ZNF732: variants seen among roughly 807,000 people sequenced by gnomAD.
The protein encoded by ZNF732 is zinc finger protein LOC654254.
A neutral mutation model predicts 11.5 loss-of-function variants in ZNF732; 12 were observed. That is an observed-to-expected ratio of 1.05 (90% CI 0.67 to 1.70). The LOEUF is 1.70. Ranked by LOEUF, ZNF732 falls within the 40% of genes most tolerant of loss-of-function variation. The pLI, the probability that ZNF732 is intolerant of heterozygous loss-of-function variation, is 0.00. For missense variants in ZNF732, 702 were observed against 676.9 expected, an observed-to-expected ratio of 1.04 and a Z score of -0.41; for synonymous variants, 231 against 236.5, an observed-to-expected ratio of 0.98 and a Z score of 0.21.
chr4:294,666 CTTA>C (rs782487203), intron 3 of ZNF732, among the ~76,000 whole-genome samples: 3 of 152,238 alleles, frequency 2.0e-5, no homozygotes, highest in East Asian at 3.9e-4. Context: ...TATCACAAAA[CTTA>C]TTCACGAACC....
chr4:301,839 C>G (rs561051607), intron 1 of ZNF732, among the ~76,000 whole-genome samples: 2 of 152,218 alleles, frequency 1.3e-5, no homozygotes, highest in South Asian at 4.2e-4. Flanking sequence ...GCACGTTGTG[C>G]ACATGTACCC....
intron 3 of ZNF732, among the ~76,000 whole-genome samples, chr4:284,727 C>T (rs774759000): frequency 7.3e-5 from 11 of 151,310 alleles, no homozygotes; most frequent in African/African-American, 1.2e-4. Flanking sequence ...AAAAATTCGC[C>T]GGGCGTGGTG....
intron 3 of ZNF732, among the ~76,000 whole-genome samples, chr4:288,625 T>C (rs1560161398): frequency 6.6e-6 from 1 of 152,258 alleles, no homozygotes; most frequent in Non-Finnish European, 1.5e-5. Context: ...TACCTCACTG[T>C]TTTTATTTAT....
At chr4:292,477 A>G (rs1358740908) in intron 3 of ZNF732, among the ~76,000 whole-genome samples, 2 of 150,818 alleles carry the variant, frequency 1.3e-5, no homozygotes, top group Admixed American at 6.6e-5. Flanking sequence ...GAATCACTTG[A>G]TCCCGGGAGG....
Position 301,217 on chromosome 4 carries a change from G to A in ZNF732, c.3+4091C>T, listed in dbSNP as rs868919495. 6.9e-3 allele frequency among the ~76,000 whole-genome samples: 1,057 copies of A among 152,158 alleles called. 5 individuals are homozygous for A. Among genetic ancestry groups the A allele is most frequent in the Non-Finnish European group, 0.01 (698 of 67,990 alleles). On this transcript the variant is annotated intron_variant, in intron 1 of 3. Coordinates refer to ENST00000419098, the MANE Select transcript of ZNF732 (RefSeq NM_001137608.3). ...GGCGATCATTAAAAAGTCAGGAAACGACAGGTGCTGGAGAGGATGTGGAGA... is the reference window on the plus strand; with the variant it reads ...GGCGATCATTAAAAAGTCAGGAAACAACAGGTGCTGGAGAGGATGTGGAGA...
At position 275,563 on chromosome 4, in the gene ZNF732, A is replaced by G. The variant is rs140284344; in HGVS notation, c.227-2933T>C. Among the ~76,000 whole-genome samples the G allele has an allele frequency of 3.1e-3, 473 of 151,860 alleles. 2 individuals are homozygous for G. The highest frequency in any genetic ancestry group is 0.014 in the Middle Eastern group (4 of 294). ...ATAAAGCTGAACAGCTAGATCAACT[A>G]AATAAAATCTGGCAAAAATATAAAC... On this transcript the variant is annotated intron_variant, in intron 3 of 3. Coordinates refer to ENST00000419098, the MANE Select transcript of ZNF732 (RefSeq NM_001137608.3).
At chr4:277,358 A>C (rs369635121) in intron 3 of ZNF732, among the ~76,000 whole-genome samples, 3 of 152,226 alleles carry the variant, frequency 2.0e-5, no homozygotes, top group African/African-American at 7.2e-5. Flanking sequence ...CGTAATCTAC[A>C]CAATGAAATA....
At chr4:291,063 A>AT (rs1422564022) in intron 3 of ZNF732, among the ~76,000 whole-genome samples, 1 of 152,250 alleles carries the variant, frequency 6.6e-6, no homozygotes, top group Non-Finnish European at 1.5e-5. Flanking sequence ...TACCAGAACA[A>AT]TTAGGCAAGG....
intron 3 of ZNF732, among the ~76,000 whole-genome samples, chr4:276,662 AGACAT>A (rs1215930621): frequency 1.3e-5 from 2 of 152,008 alleles, no homozygotes; most frequent in East Asian, 3.8e-4. Flanking sequence ...AAAGTGAAAA[AGACAT>A]GAAAATTTGA....
intron 3 of ZNF732, among the ~76,000 whole-genome samples, chr4:280,763 G>A (rs560431723): frequency 8.5e-5 from 13 of 152,276 alleles, no homozygotes; most frequent in Non-Finnish European, 1.5e-4. Context: ...AATTTTCATT[G>A]TAGACTTAGC....
chr4:274,842 G>A (rs1553838450), intron 3 of ZNF732, among the ~76,000 whole-genome samples: 1 of 151,598 alleles, frequency 6.6e-6, no homozygotes, highest in Non-Finnish European at 1.5e-5. Context: ...GGGAACTAAT[G>A]ACAAACATGT....
chr4:275,123 A>G (rs975909950), intron 3 of ZNF732, among the ~76,000 whole-genome samples: 1 of 151,632 alleles, frequency 6.6e-6, no homozygotes, highest in Non-Finnish European at 1.5e-5. Flanking sequence ...ACCTCATACA[A>G]TATTCTCCTT....
At position 271,011 on chromosome 4, in the gene ZNF732, A is replaced by G. The variant is rs1230256337; in HGVS notation, c.*88T>C. The G allele has an allele frequency of 9.6e-5, 109 of 1,139,664 alleles. No homozygotes were observed. Among genetic ancestry groups the G allele is most frequent in the Non-Finnish European group, 1.3e-4 (106 of 799,134 alleles). 70.6% of individuals were successfully genotyped at this position (1,139,664 alleles called of 1,614,324 possible). A position where few individuals can be genotyped will look rare whatever the true frequency, so the allele number is the denominator to read the frequency against. ...CCAAAAGCTTTGCCACATTCTTCAC[A>G]TTTGTATAGTTTATTTCCAGTATAA... On this transcript the variant is annotated 3_prime_UTR_variant, in exon 4 of 4. Transcript: ENST00000419098.
At chr4:297,623 A>C (rs1330309894) in intron 1 of ZNF732, among the ~76,000 whole-genome samples, 1 of 151,600 alleles carries the variant, frequency 6.6e-6, no homozygotes, top group Non-Finnish European at 1.5e-5. Flanking sequence ...AAAAAAAAAA[A>C]AAAAAAAAAC....
At chr4:284,413 T>C (rs1300051970) in intron 3 of ZNF732, among the ~76,000 whole-genome samples, 1 of 152,110 alleles carries the variant, frequency 6.6e-6, no homozygotes, top group Non-Finnish European at 1.5e-5. Flanking sequence ...AAGTAGAATG[T>C]AACAAAAGCA....
In ZNF732 at chr4:272,612, G is replaced by A; in HGVS notation, c.245C>T (p.Thr82Ile). ...CCCCTGCACTGGCAAAAAGTCTTGG[G>A]TGAAATGAGAACACACAGCTGAAAG... is the stretch of plus-strand genomic sequence containing the variant. ...AKHPAVCSHF[T>I]QDFLPVQGIE... The change falls in exon 4 of 4, where the codon ACC (threonine) becomes ATC (isoleucine). Residue 82 changes from threonine to isoleucine, a missense_variant. Physicochemically the swap from Thr to Ile is moderately conservative, Grantham distance 89. This residue lies in a region of ZNF732 where 596 missense variants were observed against 557.9 expected (regional missense o/e 1.07). Coordinates refer to ENST00000419098, the MANE Select transcript of ZNF732 (RefSeq NM_001137608.3). 1 of 1,528,180 alleles carries A rather than the reference G, an allele frequency of 6.5e-7. No homozygotes were observed. 94.7% of individuals were successfully genotyped at this position (1,528,180 alleles called of 1,614,324 possible).
chr4:299,461 G>GTATATATATATACACATATGTGTA lies in ZNF732; in HGVS notation c.4-3307_4-3306insTACACATATGTGTATATATATATA, dbSNP rs1560165280. The stretch of plus-strand genomic sequence containing the variant: ...TATATATATATATATACACATATGT[G>GTATATATATATACACATATGTGTA]TATATATATATACACATATATACAC... On this transcript the variant is annotated intron_variant, in intron 1 of 3. Transcript: ENST00000419098. Among the ~76,000 whole-genome samples the GTATATATATATACACATATGTGTA allele has an allele frequency of 6.1e-4, 51 of 83,534 alleles. 1 individual carries two copies. Among genetic ancestry groups the GTATATATATATACACATATGTGTA allele is most frequent in the South Asian group, 1.9e-3 (5 of 2,676 alleles). 54.8% of individuals were successfully genotyped at this position (83,534 alleles called of 152,430 possible).
chr4:289,246 T>C (rs965149266), intron 3 of ZNF732, among the ~76,000 whole-genome samples: 1 of 152,230 alleles, frequency 6.6e-6, no homozygotes, highest in East Asian at 1.9e-4. Context: ...ACTTGGGTAG[T>C]AGGAAGAAGG....
In ZNF732 at chr4:272,243, T is replaced by C. The variant is rs1553837845; in HGVS notation, c.614A>G (p.Lys205Arg). 1.2e-6 allele frequency: 2 copies of C among 1,607,722 alleles called. No homozygotes were observed. The highest frequency in any genetic ancestry group is 1.3e-5 in the African/African-American group (1 of 74,210). ...YTCEECGKDFKWYLIFNEYEI... is the reference protein window; with the variant it reads ...YTCEECGKDFRWYLIFNEYEI... Reference sequence around the variant, plus strand: ...ATATTCATTAAAGATTAAATACCATTTAAAGTCTTTGCCACATTCTTCACA... The same window carrying C: ...ATATTCATTAAAGATTAAATACCATCTAAAGTCTTTGCCACATTCTTCACA... The change falls in exon 4 of 4, where the codon AAA (lysine) becomes AGA (arginine). Residue 205 changes from lysine (K) to arginine (R), a missense_variant. By Grantham distance (26) the Lys-to-Arg change is conservative. Around this residue, in one of 3 missense-constraint regions of ZNF732, gnomAD observed 596 missense variants for 557.9 expected, o/e 1.07. Coordinates refer to ENST00000419098, the MANE Select transcript of ZNF732 (RefSeq NM_001137608.3).
Sources: gnomAD v4.1 joint callset for allele counts (sites outside exome capture counted in the v4.1 genomes callset) on GRCh38, gnomAD v4.1.1 for gene constraint, gnomAD v4.1.1 regional missense constraint, MANE v1.5 for transcripts, NCBI Gene and HGNC (gene_info 2026-07-23, HGNC 2026-07-21) for gene names.